The following CAMTA1 variants were observed in gnomAD, a reference collection of about 807,000 sequenced individuals.
CAMTA1 encodes the protein calmodulin binding transcription activator 1, also known as calmodulin-binding transcription activator 1.
CAMTA1 carries 27 observed loss-of-function variants against 170.9 expected under a neutral mutation model. The ratio of observed to expected loss-of-function variants is 0.16; its 90% CI spans 0.12 to 0.22. The LOEUF is 0.22. Ranked by LOEUF, CAMTA1 falls within the 10% of genes least tolerant of loss-of-function variation. The pLI, the probability that CAMTA1 is intolerant of heterozygous loss-of-function variation, is 1.00. For synonymous variants in CAMTA1, 833 were observed against 891.5 expected (o/e 0.93, Z 1.17); for missense variants, 1,619 against 2,217.2 (o/e 0.73, Z 5.42).
At chr1:7,220,046 C>T (rs1173436258) in intron 4 of CAMTA1, among the ~76,000 whole-genome samples, 2 of 152,174 alleles carry the variant, frequency 1.3e-5, no homozygotes, top group African/African-American at 4.8e-5. Context: ...TAAATGTCTG[C>T]TGTTTAAGCC....
chr1:7,362,784 TTAG>T (rs901395161), intron 5 of CAMTA1, among the ~76,000 whole-genome samples: 7 of 86,678 alleles, frequency 8.1e-5, no homozygotes, highest in Admixed American at 5.7e-4. Flanking sequence ...TTGGGTAGAG[TTAG>T]TAGACTTGAA....
chr1:7,461,404 G>A (rs1016194276), intron 5 of CAMTA1, among the ~76,000 whole-genome samples: 5 of 152,222 alleles, frequency 3.3e-5, no homozygotes, highest in African/African-American at 7.2e-5. Flanking sequence ...TGCCATTGCT[G>A]TGCTGTCCAA....
intron 6 of CAMTA1, among the ~76,000 whole-genome samples, chr1:7,521,893 A>T (rs1398463044): frequency 6.6e-6 from 1 of 152,210 alleles, no homozygotes; most frequent in African/African-American, 2.4e-5. Flanking sequence ...CATGTTATGG[A>T]TGAACCACTA....
chr1:7,469,439 C>T (rs190877680), intron 6 of CAMTA1, among the ~76,000 whole-genome samples: 2 of 152,324 alleles, frequency 1.3e-5, no homozygotes, highest in East Asian at 3.9e-4. Context: ...TCCTTGAGTC[C>T]CCAGGGACAA....
Position 7,067,290 on chromosome 1 carries a change from G to A in CAMTA1, c.235-24014G>A, listed in dbSNP as rs1709084776. On this transcript the variant is annotated intron_variant, in intron 3 of 22. Transcript: ENST00000303635. This position sits in a 1 kb window ranked among gnomAD's most constrained non-coding sequence, Gnocchi z 4.3. The stretch of plus-strand genomic sequence containing the variant: ...GGGAAGTTCCTGTCCCTTGTACTCA[G>A]GGTCTCTCTTCCCTGGACAGTGCTA... Among the ~76,000 whole-genome samples the A allele has an allele frequency of 6.6e-6, 1 of 152,168 alleles. No homozygotes were observed. Among genetic ancestry groups the A allele is most frequent in the African/African-American group, 2.4e-5 (1 of 41,440 alleles).
At chr1:7,713,000 CAT>C (rs1432909588) in intron 11 of CAMTA1, among the ~76,000 whole-genome samples, 1 of 152,212 alleles carries the variant, frequency 6.6e-6, no homozygotes, top group African/African-American at 2.4e-5. Context: ...GTCCACGACA[CAT>C]GGGGATTATG....
intron 6 of CAMTA1, among the ~76,000 whole-genome samples, chr1:7,495,510 T>A (rs1041073715): frequency 6.6e-6 from 1 of 152,194 alleles, no homozygotes; most frequent in African/African-American, 2.4e-5. Context: ...CTACCCGGCT[T>A]GGGCATGGCA....
chr1:7,262,884 G>A (rs1668376918), intron 5 of CAMTA1, among the ~76,000 whole-genome samples: 1 of 152,220 alleles, frequency 6.6e-6, no homozygotes, highest in East Asian at 1.9e-4. Flanking sequence ...CCCAGTGACT[G>A]AGCAGATGCG....
chr1:7,292,311 A>G (rs1673260415), intron 5 of CAMTA1, among the ~76,000 whole-genome samples: 1 of 152,104 alleles, frequency 6.6e-6, no homozygotes, highest in Admixed American at 6.5e-5. Flanking sequence ...GGGAAAAAAA[A>G]AGTTCTTTGA....
chr1:6,786,960 C>T (rs956849410), intron 1 of CAMTA1, among the ~76,000 whole-genome samples: 1 of 152,200 alleles, frequency 6.6e-6, no homozygotes, highest in African/African-American at 2.4e-5. Context: ...GACACTACCT[C>T]ACTGGGAAAA....
chr1:7,606,267 C>T (rs955442536), intron 6 of CAMTA1, among the ~76,000 whole-genome samples: 3 of 152,160 alleles, frequency 2.0e-5, no homozygotes, highest in South Asian at 4.1e-4. Context: ...AGGATGCCAG[C>T]GGTCCAAGGA....
chr1:7,633,174 G>A lies in CAMTA1; in HGVS notation c.511-7226G>A, dbSNP rs1436652144. On this transcript the variant is annotated intron_variant, in intron 6 of 22. Transcript: ENST00000303635. This position sits in a 1 kb window ranked among gnomAD's most constrained non-coding sequence, Gnocchi z 4.1. ...CTTTGTCCCTGCAGTTTGGGTGAAA[G>A]GTGCCATCTAGAAAAGGTTCTCAAA... Among the ~76,000 whole-genome samples, 4 of 152,196 alleles carry A rather than the reference G, an allele frequency of 2.6e-5. No individual in the cohort carries two copies. Among genetic ancestry groups the A allele is most frequent in the African/African-American group, 9.6e-5 (4 of 41,454 alleles).
intron 4 of CAMTA1, among the ~76,000 whole-genome samples, chr1:7,112,309 C>T (rs1038531372): frequency 2.0e-5 from 3 of 152,194 alleles, no homozygotes; most frequent in Admixed American, 6.5e-5. Flanking sequence ...CTTTGTATCC[C>T]TCACAATTCC....
rs113652510 is a variant in CAMTA1 at position 7,677,659 on chromosome 1, C to T, written c.2840C>T (p.Ser947Leu). ...VAFNNQIISN[S>L]VVFEYKARAL... ...TTCAACAACCAGATCATCTCCAACT[C>T]GGTGGTGTTTGAGTACAAAGCCCGG... Residue 947 changes from serine (S) to leucine (L), a missense_variant, in exon 11 of 23, where the codon TCG becomes TTG. Coordinates refer to ENST00000303635, the MANE Select transcript of CAMTA1 (RefSeq NM_015215.4). 4 of 1,614,152 alleles carry T rather than the reference C, an allele frequency of 2.5e-6. No homozygotes were observed. Among genetic ancestry groups the T allele is most frequent in the Non-Finnish European group, 2.5e-6 (3 of 1,179,996 alleles).
chr1:6,918,109 G>A lies in CAMTA1; in HGVS notation c.234+92899G>A, dbSNP rs1158612195. 6.6e-6 allele frequency among the ~76,000 whole-genome samples: 1 copy of A among 152,046 alleles called. No individual in the cohort carries two copies. The highest frequency in any genetic ancestry group is 1.9e-4 in the East Asian group (1 of 5,190). ...TAACTTTCCTTCTGTGGCTCCTAAT[G>A]GTGAAGGCCTCCCATGCTCCTGTTT... On this transcript the variant is annotated intron_variant, in intron 3 of 22. Coordinates refer to ENST00000303635, the MANE Select transcript of CAMTA1 (RefSeq NM_015215.4). The surrounding 1 kb of genome is among the most constrained non-coding windows in gnomAD (Gnocchi z 4.0).
chr1:6,876,247 C>A (rs1669818793), intron 3 of CAMTA1, among the ~76,000 whole-genome samples: 1 of 152,090 alleles, frequency 6.6e-6, no homozygotes, highest in East Asian at 1.9e-4. Context: ...CTTTCTTCCA[C>A]CATCTGGCGT....
chr1:7,759,737 A>G (rs2096960672), intron 22 of CAMTA1, among the ~76,000 whole-genome samples: 1 of 152,226 alleles, frequency 6.6e-6, no homozygotes, highest in African/African-American at 2.4e-5. Context: ...TTGCATAGAG[A>G]AAAACCAAGA....
At chr1:7,334,589 GTT>G (rs1313127471) in intron 5 of CAMTA1, among the ~76,000 whole-genome samples, 1 of 152,192 alleles carries the variant, frequency 6.6e-6, no homozygotes, top group African/African-American at 2.4e-5. Context: ...AACTGCCAGT[GTT>G]TTCATCTCCC....
At chr1:7,219,496 G>A (rs1484483099) in intron 4 of CAMTA1, 1 of 138,970 alleles carries the variant, frequency 7.2e-6, no homozygotes, top group Non-Finnish European at 1.5e-5. Flanking sequence ...ATTTGTGGTA[G>A]TGGGGGACTG....
Sources: gnomAD v4.1 joint callset for allele counts (sites outside exome capture counted in the v4.1 genomes callset) on GRCh38, gnomAD v4.1.1 for gene constraint, Gnocchi (gnomAD v3.1) non-coding constraint, MANE v1.5 for transcripts, NCBI Gene and HGNC (gene_info 2026-07-23, HGNC 2026-07-21) for gene names.